STAG1: variants seen among roughly 807,000 people sequenced by gnomAD.
STAG1 encodes cohesin subunit SA-1.
STAG1 carries 26 observed loss-of-function variants against 170.9 expected under a neutral mutation model. That is an observed-to-expected ratio of 0.15 (90% CI 0.11 to 0.21). The LOEUF (loss-of-function observed/expected upper bound fraction) is 0.21. Ranked by LOEUF, STAG1 falls within the 10% of genes least tolerant of loss-of-function variation. The pLI is 1.00. For synonymous variants in STAG1, 514 were observed against 497.7 expected (o/e 1.03, Z -0.44); for missense variants, 964 against 1,509.5 (o/e 0.64, Z 5.99).
chr3:136,729,570 C>CTTTTTTTT (rs34078029), intron 1 of STAG1, among the ~76,000 whole-genome samples: 1 of 94,668 alleles, frequency 1.1e-5, no homozygotes, highest in African/African-American at 4.6e-5. Context: ...TGTAGTTTTC[C>CTTTTTTTT]TTTTTTTTTT....
chr3:136,586,262 A>T (rs140297523), intron 4 of STAG1, among the ~76,000 whole-genome samples: 2 of 151,988 alleles, frequency 1.3e-5, no homozygotes, highest in African/African-American at 4.8e-5. Context: ...ACATATACAC[A>T]CACACACACA....
chr3:136,461,826 T>C (rs768593864), intron 13 of STAG1, among the ~76,000 whole-genome samples: 10 of 152,058 alleles, frequency 6.6e-5, no homozygotes, highest in Non-Finnish European at 1.0e-4. Context: ...CCAGAATATA[T>C]AAGGTACTCA....
At chr3:136,377,847 A>T in intron 22 of STAG1, 95 bp from the exon 23 acceptor site, 1 of 981,902 alleles carries the variant, frequency 1.0e-6, no homozygotes, top group Non-Finnish European at 1.6e-6. Context: ...AAACTGGTTT[A>T]TTCTCAAGGA....
chr3:136,458,934 A>T (rs1486963226), intron 13 of STAG1, among the ~76,000 whole-genome samples: 2 of 152,170 alleles, frequency 1.3e-5, no homozygotes, highest in Admixed American at 1.3e-4. Context: ...AAAAAGACAA[A>T]GAAGGCCAGG....
chr3:136,734,117 A>AAC lies in STAG1; in HGVS notation c.-84+18077_-84+18078insGT, dbSNP rs1357155400. Among the ~76,000 whole-genome samples the AAC allele has an allele frequency of 1.1e-3, 161 of 151,778 alleles. 3 individuals are homozygous for AAC. The highest frequency in any genetic ancestry group is 2.1e-3 in the Non-Finnish European group (140 of 67,914). The stretch of plus-strand genomic sequence containing the variant: ...GCGAGAGACTCCATCTCAAAAAAAA[A>AAC]AAAAAACAAAACAAAACAAAAACAA... On this transcript the variant is annotated intron_variant, in intron 1 of 33. Coordinates refer to ENST00000383202, the MANE Select transcript of STAG1 (RefSeq NM_005862.3).
chr3:136,629,241 G>C (rs998819197), intron 2 of STAG1, among the ~76,000 whole-genome samples: 2 of 152,106 alleles, frequency 1.3e-5, no homozygotes. Flanking sequence ...TGTCCTAGCA[G>C]CAGGACATAC....
chr3:136,396,901 T>C (rs2087179681), intron 22 of STAG1, among the ~76,000 whole-genome samples: 1 of 152,150 alleles, frequency 6.6e-6, no homozygotes, highest in Non-Finnish European at 1.5e-5. Flanking sequence ...ACTGAAATTA[T>C]TAATAAAAGA....
At chr3:136,402,079 G>A (rs2087343249) in intron 21 of STAG1, among the ~76,000 whole-genome samples, 1 of 152,092 alleles carries the variant, frequency 6.6e-6, no homozygotes, top group South Asian at 2.1e-4. Flanking sequence ...TTTATCTTGT[G>A]TCACTATGAT....
At chr3:136,511,696 T>A (rs111288217) in intron 7 of STAG1, among the ~76,000 whole-genome samples, 1 of 152,082 alleles carries the variant, frequency 6.6e-6, no homozygotes, top group African/African-American at 2.4e-5. Context: ...AACTAATGGG[T>A]ACTAGGCTTA....
Position 136,723,553 on chromosome 3 carries a change from AG to A in STAG1, c.-84+28641del, listed in dbSNP as rs367685352. On this transcript the variant is annotated intron_variant, in intron 1 of 33. Transcript: ENST00000383202. Reference sequence around the variant, plus strand: ...CTGCCCGGCAGCCACCCCATCCGGGAGGGAAGTGGGGGTCAGCCCCCGCCAG... The same window carrying A: ...CTGCCCGGCAGCCACCCCATCCGGGAGGAAGTGGGGGTCAGCCCCCGCCAG... Among the ~76,000 whole-genome samples, 495 of 151,328 alleles carry A rather than the reference AG, an allele frequency of 3.3e-3. 6 individuals are homozygous for A. In the East Asian group the frequency reaches 0.047, roughly 14 times the overall value.
chr3:136,741,361 T>A (rs543311405), intron 1 of STAG1, among the ~76,000 whole-genome samples: 7 of 152,260 alleles, frequency 4.6e-5, no homozygotes, highest in Non-Finnish European at 8.8e-5. Flanking sequence ...AGTTAACTTG[T>A]CAGCCTATAA....
intron 1 of STAG1, among the ~76,000 whole-genome samples, chr3:136,645,844 T>A (rs1195793437): frequency 6.6e-6 from 1 of 152,196 alleles, no homozygotes; most frequent in Non-Finnish European, 1.5e-5. Flanking sequence ...TCTGACCACC[T>A]ACCACTGCTC....
intron 9 of STAG1, among the ~76,000 whole-genome samples, chr3:136,492,233 T>C (rs77481238): frequency 1.0e-3 from 157 of 152,356 alleles, no homozygotes; most frequent in Middle Eastern, 6.8e-3. Flanking sequence ...TCAACTACAC[T>C]TGTATTCTAG....
chr3:136,589,186 T>C (rs879543263), intron 4 of STAG1, among the ~76,000 whole-genome samples: 4 of 152,036 alleles, frequency 2.6e-5, no homozygotes, highest in African/African-American at 4.8e-5. Flanking sequence ...CCACTGCACC[T>C]GGCCTATTTT....
intron 4 of STAG1, among the ~76,000 whole-genome samples, chr3:136,573,630 AT>A (rs1178516099): frequency 5.9e-5 from 9 of 152,098 alleles, no homozygotes; most frequent in Non-Finnish European, 1.2e-4. Context: ...AAAACAAAAA[AT>A]AAAAAAAAAA....
chr3:136,574,997 C>T (rs953629595), intron 4 of STAG1, among the ~76,000 whole-genome samples: 1 of 152,054 alleles, frequency 6.6e-6, no homozygotes, highest in Admixed American at 6.5e-5. Context: ...CTGTTTAAAT[C>T]TGATTTAAAA....
chr3:136,596,329 C>A (rs1938428018), intron 4 of STAG1, among the ~76,000 whole-genome samples: 1 of 152,188 alleles, frequency 6.6e-6, no homozygotes, highest in Admixed American at 6.5e-5. Flanking sequence ...GCAAGACTTT[C>A]CACTAGCAAA....
chr3:136,544,102 G>C (rs1936034483), intron 5 of STAG1, among the ~76,000 whole-genome samples: 1 of 152,120 alleles, frequency 6.6e-6, no homozygotes, highest in Non-Finnish European at 1.5e-5. Flanking sequence ...TCCACCTCCA[G>C]AGTAGACATA....
chr3:136,702,994 G>C (rs180783251), intron 1 of STAG1, among the ~76,000 whole-genome samples: 1 of 150,974 alleles, frequency 6.6e-6, no homozygotes, highest in Non-Finnish European at 1.5e-5. Context: ...TTTGAACCCG[G>C]GAGGCACAGG....
Sources: allele counts gnomAD v4.1 joint callset (sites outside exome capture counted in the v4.1 genomes callset), GRCh38; gene constraint gnomAD v4.1.1; transcripts MANE v1.5; gene names NCBI Gene and HGNC (gene_info 2026-07-23, HGNC 2026-07-21).